The following L3MBTL2 variants were observed in gnomAD, a reference collection of about 807,000 sequenced individuals.
L3MBTL2 encodes the protein lethal(3)malignant brain tumor-like protein 2.
Under a neutral mutation model 86.4 loss-of-function variants are expected in L3MBTL2, and 49 were observed. The observed-to-expected ratio is 0.57, with a 90% confidence interval of 0.45 to 0.72. The LOEUF (loss-of-function observed/expected upper bound fraction) is 0.72. Among genes scored for constraint, L3MBTL2 ranks in the 30% least tolerant of loss-of-function variants. The probability of loss-of-function intolerance (pLI) is 0.00; values close to 1 mark genes in which losing one functional copy is unlikely to be tolerated. For missense variants in L3MBTL2, 755 were observed against 923.7 expected (o/e 0.82, Z 2.37); for synonymous variants, 336 against 350.6 (o/e 0.96, Z 0.47).
intron 13 of L3MBTL2, 117 bp from the exon 14 acceptor site, chr22:41,226,972 G>A (rs1414552514): frequency 3.3e-6 from 3 of 904,956 alleles, no homozygotes; most frequent in Non-Finnish European, 5.1e-6. Flanking sequence ...AGCTGCCCCA[G>A]CAGCCATTCC....
intron 1 of L3MBTL2, among the ~76,000 whole-genome samples, chr22:41,206,631 T>C (rs955283347): frequency 1.3e-5 from 2 of 151,932 alleles, no homozygotes; most frequent in Non-Finnish European, 2.9e-5. Flanking sequence ...ACCCCATCTC[T>C]ACTAAAAATA....
intron 1 of L3MBTL2, among the ~76,000 whole-genome samples, chr22:41,207,922 C>G (rs2030373978): frequency 6.6e-6 from 1 of 151,884 alleles, no homozygotes; most frequent in African/African-American, 2.4e-5. Flanking sequence ...ACCTCCAACT[C>G]CTGGGTTCAA....
rs2032516296 is a variant in L3MBTL2 at position 41,230,331 on chromosome 22, C to T, written c.*80C>T. On this transcript the variant is annotated 3_prime_UTR_variant, in exon 17 of 17. Coordinates refer to ENST00000216237, the MANE Select transcript of L3MBTL2 (RefSeq NM_031488.5). ...CCACCACCACCATGCCTCCACCTGACTTTGGCTTGGAGACTGATCCTCTCT... is the reference window on the plus strand; with the variant it reads ...CCACCACCACCATGCCTCCACCTGATTTTGGCTTGGAGACTGATCCTCTCT... The T allele has an allele frequency of 2.8e-6, 3 of 1,064,188 alleles. No homozygotes were observed. Among genetic ancestry groups the T allele is most frequent in the African/African-American group, 1.6e-5 (1 of 64,466 alleles). The allele number at this position is 1,064,188 out of a possible 1,614,324, so 65.9% of individuals were successfully genotyped here.
At position 41,229,664 on chromosome 22, in the gene L3MBTL2, C is replaced by T; in HGVS notation, c.2005+8C>T. ...AGCCTGTTCCTGGCGAGAGTAAGAG[C>T]CACCGGGCTGGGTCAAGGCAGGACC... On this transcript the variant is annotated splice_region_variant and intron_variant, in intron 16 of 16. Coordinates refer to ENST00000216237, the MANE Select transcript of L3MBTL2 (RefSeq NM_031488.5). The T allele has an allele frequency of 6.2e-7, 1 of 1,613,256 alleles. No individual in the cohort carries two copies. The highest frequency in any genetic ancestry group is 8.5e-7 in the Non-Finnish European group (1 of 1,180,022).
chr22:41,217,270 C>G (rs2031463101), intron 5 of L3MBTL2, 68 bp downstream of exon 5: 1 of 1,261,790 alleles, frequency 7.9e-7, no homozygotes, highest in Non-Finnish European at 1.1e-6. Context: ...CCACCTGCTT[C>G]ACCAGGGCGG....
At chr22:41,226,084 C>G (rs2032164405) in intron 12 of L3MBTL2, 143 bp downstream of exon 12, 1 of 839,204 alleles carries the variant, frequency 1.2e-6, no homozygotes, top group East Asian at 2.7e-5. Flanking sequence ...TGAGACCAGC[C>G]TGGCCAACAT....
intron 1 of L3MBTL2, among the ~76,000 whole-genome samples, chr22:41,207,919 A>G (rs934934114): frequency 3.3e-5 from 5 of 150,626 alleles, no homozygotes; most frequent in African/African-American, 4.9e-5. Flanking sequence ...GCAACCTCCA[A>G]CTCCTGGGTT....
At chr22:41,229,796 C>T in intron 16 of L3MBTL2, 140 bp downstream of exon 16, 1 of 1,417,318 alleles carries the variant, frequency 7.1e-7, no homozygotes, top group South Asian at 1.2e-5. Flanking sequence ...TCCTGTACCA[C>T]TGGACCCAGG....
intron 15 of L3MBTL2, among the ~76,000 whole-genome samples, chr22:41,228,852 A>AC (rs1555921639): frequency 0.05 from 6,324 of 125,972 alleles, 217 homozygotes; most frequent in Admixed American, 0.12. Context: ...TCCATCGCAC[A>AC]AAAAAAAAAA....
rs746740003 is a variant in L3MBTL2, at chr22:41,229,612, C to T, written c.1961C>T (p.Pro654Leu). Residue 654 changes from proline (P) to leucine (L), a missense_variant, in exon 16 of 17, where the codon CCT becomes CTT. This residue lies in a region of L3MBTL2 where 634 missense variants were observed against 748.9 expected (regional missense o/e 0.85). Transcript: ENST00000216237. ...AAGAAGCCCCTGCTGGAGGACGACCCTCAGGGTGCCAGGAAGATCTCGTCG... is the reference window on the plus strand; with the variant it reads ...AAGAAGCCCCTGCTGGAGGACGACCTTCAGGGTGCCAGGAAGATCTCGTCG... ...GSKKPLLEDDPQGARKISSEP... is the reference protein window; with the variant it reads ...GSKKPLLEDDLQGARKISSEP... 3.1e-6 allele frequency: 5 copies of T among 1,613,910 alleles called. No homozygotes were observed. The South Asian group carries it at 5.5e-5, about 18-fold the overall frequency.
chr22:41,211,905 C>A (rs1213802616), intron 2 of L3MBTL2, among the ~76,000 whole-genome samples: 1 of 116,256 alleles, frequency 8.6e-6, no homozygotes, highest in Non-Finnish European at 1.7e-5. Context: ...GCTGTGTCAC[C>A]CAGGCCGGAA....
intron 6 of L3MBTL2, among the ~76,000 whole-genome samples, chr22:41,219,933 G>T (rs1458391785): frequency 6.6e-6 from 1 of 152,116 alleles, no homozygotes; most frequent in African/African-American, 2.4e-5. Context: ...TAGTAGAGAC[G>T]GGGTTTCACT....
At chr22:41,217,997 CTTT>C (rs984080036) in intron 5 of L3MBTL2, 1 of 152,194 alleles carries the variant, frequency 6.6e-6, no homozygotes, top group Non-Finnish European at 1.5e-5. Context: ...GGGGGAGCCT[CTTT>C]TTTGCCCTGA....
In L3MBTL2 at chr22:41,219,422, C is replaced by G; in HGVS notation, c.604C>G (p.Pro202Ala). 6.2e-7 allele frequency: 1 copy of G among 1,609,072 alleles called. No individual in the cohort carries two copies. The highest frequency in any genetic ancestry group is 1.7e-5 in the Admixed American group (1 of 59,990). ...GTACACTCTCATCGCCACACAGGTC[C>G]CACTCTATGACCAGTGGGAGGATGT... ...AAPVSCFKHV[P>A]LYDQWEDVMK... The change falls in exon 6 of 17, where the codon CCA becomes GCA. Residue 202 changes from proline to alanine, a missense_variant. This residue lies in a region of L3MBTL2 where 634 missense variants were observed against 748.9 expected (regional missense o/e 0.85). Coordinates refer to ENST00000216237, the MANE Select transcript of L3MBTL2 (RefSeq NM_031488.5).
At position 41,225,539 on chromosome 22, in the gene L3MBTL2, G is replaced by A. The variant is rs1453888455; in HGVS notation, c.1357-255G>A. 6.6e-6 allele frequency among the ~76,000 whole-genome samples: 1 copy of A among 152,186 alleles called. No individual in the cohort carries two copies. The highest frequency in any genetic ancestry group is 1.5e-5 in the Non-Finnish European group (1 of 68,022). On this transcript the variant is annotated intron_variant, in intron 11 of 16. Transcript: ENST00000216237. The surrounding 1 kb of genome is among the most constrained non-coding windows in gnomAD (Gnocchi z 4.1). ...ATGCCGGGCGCGTGTGCTCACCCAA[G>A]AACACGGTCCAACAGGATGGACGCG...
At chr22:41,226,304 G>A (rs1310021161) in intron 12 of L3MBTL2, among the ~76,000 whole-genome samples, 2 of 152,152 alleles carry the variant, frequency 1.3e-5, no homozygotes, top group East Asian at 3.8e-4. Flanking sequence ...GGCAGGGTGT[G>A]GCCACAAGCC....
chr22:41,206,897 A>G (rs2145560813), intron 1 of L3MBTL2, among the ~76,000 whole-genome samples: 1 of 152,306 alleles, frequency 6.6e-6, no homozygotes, highest in East Asian at 1.9e-4. Context: ...TGCAAGGGTA[A>G]ACGAGAATAA....
At chr22:41,211,086 G>A (rs916299247) in intron 2 of L3MBTL2, among the ~76,000 whole-genome samples, 2 of 152,194 alleles carry the variant, frequency 1.3e-5, no homozygotes, top group African/African-American at 4.8e-5. Context: ...CTTTGGAAAT[G>A]TGATGCTTGG....
intron 2 of L3MBTL2, among the ~76,000 whole-genome samples, chr22:41,213,032 A>G (rs918080837): frequency 9.9e-5 from 15 of 151,988 alleles, no homozygotes; most frequent in Non-Finnish European, 1.8e-4. Flanking sequence ...CCTGGCTAAC[A>G]TGGTGAAACC....
Sources: allele counts gnomAD v4.1 joint callset (sites outside exome capture counted in the v4.1 genomes callset), GRCh38; gene constraint gnomAD v4.1.1; regional missense constraint gnomAD v4.1.1; non-coding constraint Gnocchi (gnomAD v3.1); transcripts MANE v1.5; gene names NCBI Gene and HGNC (gene_info 2026-07-23, HGNC 2026-07-21).